TSPAN12: variants seen among roughly 807,000 people sequenced by gnomAD.
The protein encoded by TSPAN12 is tetraspanin 12, also known as tetraspanin-12.
A neutral mutation model predicts 39.2 loss-of-function variants in TSPAN12; 19 were observed. The observed-to-expected ratio is 0.49, with a 90% CI of 0.34 to 0.71. The LOEUF (loss-of-function observed/expected upper bound fraction) is 0.71. TSPAN12 is among the 30% of genes least tolerant of loss of function. TSPAN12 has a pLI of 0.01. For missense variants in TSPAN12, 314 were observed against 359.9 expected (o/e 0.87, Z 1.03); for synonymous variants, 119 against 124.8 (o/e 0.95, Z 0.31).
At chr7:120,814,000 C>T (rs1017503976) in intron 5 of TSPAN12, 6 of 249,102 alleles carry the variant, frequency 2.4e-5, no homozygotes, top group Non-Finnish European at 4.8e-5. Context: ...ACTCTCTCTA[C>T]TTACTTAGTG....
intron 4 of TSPAN12, 53 bp from the exon 5 acceptor site, chr7:120,815,856 C>T: frequency 6.7e-7 from 1 of 1,495,332 alleles, no homozygotes; most frequent in Non-Finnish European, 9.2e-7. Flanking sequence ...AAATAGGCTC[C>T]TCAAAGACAG....
Position 120,800,034 on chromosome 7 carries a change from T to C in TSPAN12, c.612+6515A>G, listed in dbSNP as rs1006072366. 2.0e-5 allele frequency among the ~76,000 whole-genome samples: 3 copies of C among 151,520 alleles called. No homozygotes were observed. In the Admixed American group the frequency reaches 2.0e-4, roughly 10 times the overall value. On this transcript the variant is annotated intron_variant, in intron 7 of 7. Transcript: ENST00000222747. ...CATCTTTCTAATTGGTCAAAGATGT[T>C]AGCAGGAAAGGAGTGTTAACAAAAA...
chr7:120,803,013 A>G (rs1352445145), intron 7 of TSPAN12, among the ~76,000 whole-genome samples: 1 of 152,194 alleles, frequency 6.6e-6, no homozygotes, highest in Non-Finnish European at 1.5e-5. Context: ...CTGAGCTTAC[A>G]GAATATGAAA....
chr7:120,795,577 G>A (rs1468145231), intron 7 of TSPAN12, among the ~76,000 whole-genome samples: 2 of 152,152 alleles, frequency 1.3e-5, no homozygotes, highest in Non-Finnish European at 2.9e-5. Flanking sequence ...GCCTTTTAAT[G>A]TGCTTATGAA....
intron 2 of TSPAN12, among the ~76,000 whole-genome samples, chr7:120,849,981 G>T (rs1794740548): frequency 6.6e-6 from 1 of 152,190 alleles, no homozygotes; most frequent in Non-Finnish European, 1.5e-5. Context: ...GTTTCATGTT[G>T]CCAGGCCTGC....
At chr7:120,847,239 A>G (rs550876647) in intron 2 of TSPAN12, among the ~76,000 whole-genome samples, 2 of 151,006 alleles carry the variant, frequency 1.3e-5, no homozygotes, top group African/African-American at 2.5e-5. Context: ...ATGACAAAAA[A>G]AAAAAAAACA....
At chr7:120,809,617 G>T (rs1793939348) in intron 6 of TSPAN12, among the ~76,000 whole-genome samples, 1 of 152,134 alleles carries the variant, frequency 6.6e-6, no homozygotes, top group Non-Finnish European at 1.5e-5. Context: ...CTAGCACTAA[G>T]ATAAATTAAA....
chr7:120,854,828 G>C (rs182111209), intron 2 of TSPAN12, among the ~76,000 whole-genome samples: 7 of 152,272 alleles, frequency 4.6e-5, no homozygotes, highest in African/African-American at 1.7e-4. Context: ...GGATTATTTT[G>C]TTGAAGCGTA....
chr7:120,831,586 T>TA (rs1473007632), intron 4 of TSPAN12, among the ~76,000 whole-genome samples: 25 of 152,100 alleles, frequency 1.6e-4, no homozygotes, highest in African/African-American at 5.8e-4. Flanking sequence ...ATGTGGAACC[T>TA]AAAAAGTGTT....
At chr7:120,802,072 G>A (rs996867787) in intron 7 of TSPAN12, among the ~76,000 whole-genome samples, 3 of 152,168 alleles carry the variant, frequency 2.0e-5, no homozygotes, top group Admixed American at 1.3e-4. Context: ...TCCAGATCAA[G>A]TCAAGACACT....
intron 4 of TSPAN12, among the ~76,000 whole-genome samples, chr7:120,826,348 A>G (rs760155272): frequency 6.2e-4 from 95 of 152,302 alleles, no homozygotes; most frequent in Non-Finnish European, 5.9e-4. Flanking sequence ...AGGGTCAGTC[A>G]ATAAAACATC....
intron 4 of TSPAN12, among the ~76,000 whole-genome samples, chr7:120,820,517 T>C (rs949651516): frequency 2.6e-5 from 4 of 152,098 alleles, no homozygotes; most frequent in African/African-American, 9.7e-5. Flanking sequence ...TTTTCCAGTA[T>C]TTTACCTCCT....
intron 4 of TSPAN12, among the ~76,000 whole-genome samples, chr7:120,838,350 A>G (rs1794517086): frequency 1.3e-5 from 2 of 152,210 alleles, no homozygotes. Flanking sequence ...AACTATATAA[A>G]GGCAGTGACA....
chr7:120,838,871 T>A lies in TSPAN12; in HGVS notation c.191A>T (p.His64Leu). Reference sequence around the variant, plus strand: ...ACAGCAAACAGCAATCATGACCGGATGAACCACAGGAAAGTAAGTCAAAAT... The same window carrying A: ...ACAGCAAACAGCAATCATGACCGGAAGAACCACAGGAAAGTAAGTCAAAAT... ...AVILTYFPVV[H>L]PVMIAVCCFL... The change falls in exon 4 of 8, where the codon CAT becomes CTT. Residue 64 changes from histidine to leucine, a missense_variant. Physicochemically the swap from His to Leu is moderately conservative, Grantham distance 99. Transcript: ENST00000222747. The A allele has an allele frequency of 6.2e-7, 1 of 1,614,028 alleles. No homozygotes were observed. Among genetic ancestry groups the A allele is most frequent in the Non-Finnish European group, 8.5e-7 (1 of 1,179,962 alleles).
chr7:120,838,666 C>T (rs1794522714), intron 4 of TSPAN12, 111 bp downstream of exon 4: 2 of 1,137,376 alleles, frequency 1.8e-6, no homozygotes, highest in Non-Finnish European at 2.6e-6. Context: ...TCCCTTCTTA[C>T]AGGATGTTGT....
chr7:120,837,457 G>T (rs1228995899), intron 4 of TSPAN12, among the ~76,000 whole-genome samples: 1 of 151,846 alleles, frequency 6.6e-6, no homozygotes, highest in Admixed American at 6.6e-5. Context: ...GACTACAGGT[G>T]CCCGCCAACA....
intron 4 of TSPAN12, among the ~76,000 whole-genome samples, chr7:120,817,019 G>T (rs1276222228): frequency 6.6e-6 from 1 of 152,142 alleles, no homozygotes; most frequent in East Asian, 1.9e-4. Context: ...AAACAGCTCT[G>T]TGGGAAGATA....
At chr7:120,804,749 A>G (rs1793836352) in intron 7 of TSPAN12, among the ~76,000 whole-genome samples, 1 of 152,144 alleles carries the variant, frequency 6.6e-6, no homozygotes, top group East Asian at 1.9e-4. Flanking sequence ...TGCAGATGTA[A>G]CTAAGATGAG....
At chr7:120,799,536 AT>A (rs1793705769) in intron 7 of TSPAN12, among the ~76,000 whole-genome samples, 1 of 108,202 alleles carries the variant, frequency 9.2e-6, no homozygotes, top group Non-Finnish European at 1.8e-5. Flanking sequence ...ATATATAATT[AT>A]ATATAATTAT....
Sources: gnomAD v4.1 joint callset for allele counts (sites outside exome capture counted in the v4.1 genomes callset) on GRCh38, gnomAD v4.1.1 for gene constraint, MANE v1.5 for transcripts, NCBI Gene and HGNC (gene_info 2026-07-23, HGNC 2026-07-21) for gene names.